TPP2: variants seen among roughly 807,000 people sequenced by gnomAD.
TPP2 encodes tripeptidyl-peptidase 2.
In TPP2, 34 loss-of-function variants were observed where a neutral mutation model predicts 155.9. The observed-to-expected ratio is 0.22, with a 90% CI of 0.17 to 0.29. The LOEUF (loss-of-function observed/expected upper bound fraction) is 0.29. Among genes scored for constraint, TPP2 ranks in the 10% least tolerant of loss-of-function variants. The pLI, the probability that TPP2 is intolerant of heterozygous loss-of-function variation, is 1.00. For missense variants in TPP2, 1,028 were observed against 1,522.3 expected (o/e 0.68, Z 5.40); for synonymous variants, 510 against 529.4 (o/e 0.96, Z 0.50).
intron 27 of TPP2, chr13:102,667,903 G>T: frequency 1.2e-6 from 1 of 852,584 alleles, no homozygotes; most frequent in Non-Finnish European, 1.4e-6. Context: ...GAAAGAGTGG[G>T]CTAGGGGACT....
chr13:102,614,248 C>G, intron 3 of TPP2, 52 bp downstream of exon 3: 2 of 1,411,712 alleles, frequency 1.4e-6, no homozygotes, highest in Non-Finnish European at 1.9e-6. Context: ...TTGTCTTCTT[C>G]CTCAGATTTT....
intron 21 of TPP2, 48 bp downstream of exon 21, chr13:102,647,392 A>G (rs779246085): frequency 5.1e-6 from 8 of 1,579,078 alleles, no homozygotes; most frequent in Admixed American, 1.9e-5. Context: ...CTGTTTCCTG[A>G]ACTAACAAAA....
At chr13:102,629,891 G>A (rs1481222856) in intron 9 of TPP2, among the ~76,000 whole-genome samples, 1 of 152,198 alleles carries the variant, frequency 6.6e-6, no homozygotes, top group Non-Finnish European at 1.5e-5. Flanking sequence ...TGGGAGATAG[G>A]TATTTTGTAT....
At chr13:102,641,660 G>C (rs555021850) in intron 16 of TPP2, among the ~76,000 whole-genome samples, 1 of 152,160 alleles carries the variant, frequency 6.6e-6, no homozygotes, top group East Asian at 1.9e-4. Context: ...GGTATCACAG[G>C]AAATACCAGA....
rs1881766810 is a variant in TPP2 at position 102,628,045 on chromosome 13, T to C, written c.1016+121T>C. ...AAGAACAGTTGCAGTGGTTAGATGA[T>C]AACTGTGTTCAAGAGGACTTTCATC... is the stretch of plus-strand genomic sequence containing the variant. On this transcript the variant is annotated intron_variant, in intron 8 of 29. Coordinates refer to ENST00000376052, the MANE Select transcript of TPP2 (RefSeq NM_001330588.2). 3 of 776,036 alleles carry C rather than the reference T, an allele frequency of 3.9e-6. No individual in the cohort carries two copies. The Admixed American group carries it at 8.4e-5, about 22-fold the overall frequency. The allele number at this position is 776,036 out of a possible 1,614,324, so 48.1% of individuals were successfully genotyped here.
chr13:102,635,509 G>A, intron 11 of TPP2, 78 bp from the exon 12 acceptor site: 1 of 989,346 alleles, frequency 1.0e-6, no homozygotes, highest in East Asian at 2.5e-5. Flanking sequence ...GGGTCTACAG[G>A]TGATCGATCA....
rs144298765 is a variant in TPP2 at position 102,615,481 on chromosome 13, G to A, written c.391-915G>A. ...TATAGTATATTAAATGTAATCAGCT[G>A]TGTTGATAAGATGTGATTTAATATG... is the stretch of plus-strand genomic sequence containing the variant. On this transcript the variant is annotated intron_variant, in intron 3 of 29. Transcript: ENST00000376052. Among the ~76,000 whole-genome samples the A allele has an allele frequency of 2.5e-3, 377 of 152,320 alleles. 1 individual carries two copies. The highest frequency in any genetic ancestry group is 8.5e-3 in the African/African-American group (354 of 41,562).
chr13:102,614,283 T>C (rs934697109), intron 3 of TPP2, 87 bp downstream of exon 3: 78 of 1,205,228 alleles, frequency 6.5e-5, no homozygotes, highest in Middle Eastern at 2.0e-4. Context: ...AAAAGAAATA[T>C]TTCATAAAAT....
intron 25 of TPP2, among the ~76,000 whole-genome samples, chr13:102,661,532 C>T (rs529514337): frequency 6.6e-6 from 1 of 152,176 alleles, no homozygotes; most frequent in Admixed American, 6.5e-5. Context: ...CATGAGCCAC[C>T]TCCACACCCA....
chr13:102,620,601 G>A (rs926981322), intron 5 of TPP2, among the ~76,000 whole-genome samples: 1 of 152,140 alleles, frequency 6.6e-6, no homozygotes, highest in African/African-American at 2.4e-5. Flanking sequence ...TTTAAGTACC[G>A]TGGGTTTTTT....
At position 102,644,658 on chromosome 13, in the gene TPP2, T is replaced by C. The variant is rs1231113130; in HGVS notation, c.2277T>C (p.Ala759=). The change falls in exon 18 of 30, where the codon GCT becomes GCC. Residue 759 remains alanine (A), a synonymous_variant. Transcript: ENST00000376052. The stretch of plus-strand genomic sequence containing the variant: ...CTTTCCATGGGATAGTGTGTACTGC[T>C]CCTCAGTTAAACATTGTAAGTTCCA... ...TISFHGIVCT[A]PQLNIHASEG... is the part of the protein sequence containing the mutation. The C allele has an allele frequency of 4.4e-6, 7 of 1,605,540 alleles. No individual in the cohort carries two copies. The highest frequency in any genetic ancestry group is 2.2e-5 in the East Asian group (1 of 44,838).
At chr13:102,650,177 G>A (rs1883390193) in intron 23 of TPP2, among the ~76,000 whole-genome samples, 1 of 151,992 alleles carries the variant, frequency 6.6e-6, no homozygotes, top group South Asian at 2.1e-4. Context: ...TGAGAATGAT[G>A]TTTATATAGA....
chr13:102,675,959 T>A (rs946265955), intron 28 of TPP2, among the ~76,000 whole-genome samples: 3 of 152,156 alleles, frequency 2.0e-5, no homozygotes, highest in African/African-American at 7.2e-5. Context: ...TCATTTGCAA[T>A]TTTGGCATTT....
At chr13:102,669,356 A>G (rs1051846636) in intron 27 of TPP2, among the ~76,000 whole-genome samples, 26 of 152,160 alleles carry the variant, frequency 1.7e-4, no homozygotes, top group African/African-American at 6.3e-4. Context: ...GATGTTCCAC[A>G]TATGACAAAA....
chr13:102,674,163 A>G (rs769374459), intron 27 of TPP2, 120 bp from the exon 28 acceptor site: 14 of 1,024,284 alleles, frequency 1.4e-5, no homozygotes, highest in East Asian at 2.6e-5. Flanking sequence ...GTACCTGGAT[A>G]TACAGTATTT....
At position 102,636,358 on chromosome 13, in the gene TPP2, C is replaced by T. The variant is rs377541134; in HGVS notation, c.1644C>T (p.Gly548=). Residue 548 remains glycine, a synonymous_variant, in exon 13 of 30, where the codon GGC becomes GGT. Transcript: ENST00000376052. ...PVQVAAPSDH[G]VGIEPVFPEN... ...AGGTGGCTGCACCTTCAGATCATGG[C>T]GTTGGCATTGAACCTGTATTTCCGG... The T allele has an allele frequency of 6.2e-6, 10 of 1,613,184 alleles. No individual in the cohort carries two copies. Among genetic ancestry groups the T allele is most frequent in the East Asian group, 2.2e-5 (1 of 44,848 alleles).
In TPP2 at chr13:102,651,406, T is replaced by C. The variant is rs769206775; in HGVS notation, c.2991+9T>C. ...AAGGAAAATTTAAAAAGGTACTGAT[T>C]GTCAGTTCTTAAAAAAGATGTCTTA... On this transcript the variant is annotated intron_variant, in intron 24 of 29. Coordinates refer to ENST00000376052, the MANE Select transcript of TPP2 (RefSeq NM_001330588.2). 1.3e-6 allele frequency: 2 copies of C among 1,572,808 alleles called. No homozygotes were observed. Among genetic ancestry groups the C allele is most frequent in the Non-Finnish European group, 1.7e-6 (2 of 1,158,148 alleles).
At chr13:102,634,195 C>T (rs1275259508) in intron 11 of TPP2, 97 bp downstream of exon 11, 1 of 1,511,406 alleles carries the variant, frequency 6.6e-7, no homozygotes. Flanking sequence ...TTGATAATTC[C>T]CTGGGCACAA....
In TPP2 at chr13:102,627,033, C is replaced by A; in HGVS notation, c.806C>A (p.Ala269Asp). The change falls in exon 7 of 30, where the codon GCT becomes GAT. Residue 269 changes from alanine (A) to aspartate (D), a missense_variant. Coordinates refer to ENST00000376052, the MANE Select transcript of TPP2 (RefSeq NM_001330588.2). ...CTAGGAGCTCATGGGACACATGTAG[C>A]TAGTATAGCTGCTGGACACTTTCCA... ...TSGGAHGTHV[A>D]SIAAGHFPEE... The A allele has an allele frequency of 6.3e-7, 1 of 1,597,718 alleles. No homozygotes were observed. Among genetic ancestry groups the A allele is most frequent in the African/African-American group, 1.3e-5 (1 of 74,094 alleles).
Sources: allele counts gnomAD v4.1 joint callset (sites outside exome capture counted in the v4.1 genomes callset), GRCh38; gene constraint gnomAD v4.1.1; transcripts MANE v1.5; gene names NCBI Gene and HGNC (gene_info 2026-07-23, HGNC 2026-07-21).